The following DDAH1 variants were observed in gnomAD, a reference collection of about 807,000 sequenced individuals.
The protein encoded by DDAH1 is N(G),N(G)-dimethylarginine dimethylaminohydrolase 1.
Under a neutral mutation model 28.8 loss-of-function variants are expected in DDAH1, and 19 were observed. The ratio of observed to expected loss-of-function variants is 0.66; its 90% CI spans 0.46 to 0.97. DDAH1 has a LOEUF of 0.97. Among genes scored for constraint, DDAH1 ranks in the 50% least tolerant of loss-of-function variants. DDAH1 has a pLI of 0.00. For synonymous variants in DDAH1, 153 were observed against 154.4 expected (o/e 0.99, Z 0.07); for missense variants, 326 against 375.9 (o/e 0.87, Z 1.10).
chr1:85,438,256 G>A (rs1421671036), intron 1 of DDAH1, among the ~76,000 whole-genome samples: 1 of 152,054 alleles, frequency 6.6e-6, no homozygotes, highest in Non-Finnish European at 1.5e-5. Flanking sequence ...GAACTCATTT[G>A]TACACCAAAC....
chr1:85,486,064 A>C (rs981852485), intron 2 of DDAH1, among the ~76,000 whole-genome samples: 2 of 152,200 alleles, frequency 1.3e-5, no homozygotes, highest in African/African-American at 4.8e-5. Flanking sequence ...AAAGTGGTTG[A>C]GTTTGCCCTG....
intron 1 of DDAH1, among the ~76,000 whole-genome samples, chr1:85,563,936 G>A (rs1017576082): frequency 3.3e-5 from 5 of 152,208 alleles, no homozygotes; most frequent in African/African-American, 1.2e-4. Flanking sequence ...CACTTTGGGA[G>A]GCCAAGTTGG....
intron 1 of DDAH1, among the ~76,000 whole-genome samples, chr1:85,528,653 C>T (rs1379616541): frequency 1.3e-5 from 2 of 152,066 alleles, no homozygotes; most frequent in Non-Finnish European, 2.9e-5. Flanking sequence ...AAGCTACTTC[C>T]TTCCTTTAAG....
chr1:85,432,976 A>C (rs986600397), intron 1 of DDAH1, among the ~76,000 whole-genome samples: 1 of 152,170 alleles, frequency 6.6e-6, no homozygotes, highest in African/African-American at 2.4e-5. Flanking sequence ...TAGTTCAGAG[A>C]AGATAACTAC....
intron 1 of DDAH1, among the ~76,000 whole-genome samples, chr1:85,460,568 T>A (rs1184398325): frequency 1.3e-5 from 2 of 152,156 alleles, no homozygotes; most frequent in East Asian, 3.9e-4. Flanking sequence ...GGAGCAATCC[T>A]AGTCAACAGG....
At chr1:85,547,978 G>A (rs1250188856) in intron 1 of DDAH1, among the ~76,000 whole-genome samples, 8 of 152,296 alleles carry the variant, frequency 5.3e-5, no homozygotes, top group East Asian at 3.9e-4. Context: ...CAGGCCATTC[G>A]TTCTTAACCT....
At position 85,432,946 on chromosome 1, in the gene DDAH1, T is replaced by C. The variant is rs545313792; in HGVS notation, c.303+31797A>G. ...CCCTAGACCTTATAATTCTCCATTT[T>C]AGTTTTGGCTTAAATATATTAGTTC... On this transcript the variant is annotated intron_variant, in intron 1 of 5. Coordinates refer to ENST00000284031, the MANE Select transcript of DDAH1 (RefSeq NM_012137.4). 1.1e-4 allele frequency among the ~76,000 whole-genome samples: 17 copies of C among 152,332 alleles called. No homozygotes were observed. In the East Asian group the frequency reaches 3.3e-3, roughly 29 times the overall value.
In DDAH1 at chr1:85,372,548, T is replaced by C. The variant is rs186562230; in HGVS notation, c.304-13701A>G. Among the ~76,000 whole-genome samples, 20 of 152,262 alleles carry C rather than the reference T, an allele frequency of 1.3e-4. No individual in the cohort carries two copies. The East Asian group carries it at 3.3e-3, about 25-fold the overall frequency. On this transcript the variant is annotated intron_variant, in intron 1 of 5. Coordinates refer to ENST00000284031, the MANE Select transcript of DDAH1 (RefSeq NM_012137.4). Reference sequence around the variant, plus strand: ...CTTTCCTAAATTACTTTAAAAAATATGGTAAGCCATATTTTTCTTGCCATT... The same window carrying C: ...CTTTCCTAAATTACTTTAAAAAATACGGTAAGCCATATTTTTCTTGCCATT...
At chr1:85,479,996 T>C (rs1425416472) in intron 2 of DDAH1, among the ~76,000 whole-genome samples, 1 of 152,208 alleles carries the variant, frequency 6.6e-6, no homozygotes, top group Non-Finnish European at 1.5e-5. Flanking sequence ...AAAGAGCACA[T>C]GTCTGCTCTC....
intron 1 of DDAH1, among the ~76,000 whole-genome samples, chr1:85,551,735 G>C (rs1361627792): frequency 6.6e-6 from 1 of 152,232 alleles, no homozygotes; most frequent in Non-Finnish European, 1.5e-5. Context: ...TGGGAGATCA[G>C]AAGGCAGTAG....
intron 1 of DDAH1, among the ~76,000 whole-genome samples, chr1:85,549,929 G>T (rs1405455090): frequency 5.3e-5 from 8 of 151,984 alleles, no homozygotes; most frequent in Admixed American, 5.2e-4. Flanking sequence ...CTGGAACCCA[G>T]AGCTCTTCCA....
chr1:85,406,197 C>T (rs57527592), intron 1 of DDAH1, among the ~76,000 whole-genome samples: 4,366 of 152,260 alleles, frequency 0.029, 214 homozygotes, highest in African/African-American at 0.098. Context: ...CCAAAAGCCA[C>T]GTTCTATCTC....
At chr1:85,349,761 T>G (rs1390848096) in intron 4 of DDAH1, among the ~76,000 whole-genome samples, 1 of 152,186 alleles carries the variant, frequency 6.6e-6, no homozygotes, top group Non-Finnish European at 1.5e-5. Flanking sequence ...CTCACGGGGT[T>G]GAAGTTACAG....
intron 1 of DDAH1, chr1:85,447,780 GA>G (rs1201601657): frequency 6.6e-6 from 1 of 152,192 alleles, no homozygotes; most frequent in Non-Finnish European, 1.5e-5. Context: ...TTTGATGTCT[GA>G]ATTTCCTCAT....
chr1:85,323,609 G>A (rs1025520007), intron 5 of DDAH1, among the ~76,000 whole-genome samples: 2 of 152,050 alleles, frequency 1.3e-5, no homozygotes, highest in African/African-American at 4.8e-5. Context: ...TTGCTACCTA[G>A]CACGGGCAGT....
chr1:85,573,973 C>T (rs183448118), intron 1 of DDAH1, among the ~76,000 whole-genome samples: 1 of 152,362 alleles, frequency 6.6e-6, no homozygotes, highest in East Asian at 1.9e-4. Context: ...ATGGCACCCA[C>T]AGACATTGTC....
chr1:85,324,955 GTAGGATACAAGCTTGGAACTGACACTT>G, intron 4 of DDAH1, 72 bp from the exon 5 acceptor site: 5 of 1,566,694 alleles, frequency 3.2e-6, no homozygotes, highest in Non-Finnish European at 4.3e-6. Flanking sequence ...AGGCAGTGTG[GTAGGATACAAGCTTGGAACTGACACTT>G]TAGGCTGTTC....
intron 2 of DDAH1, among the ~76,000 whole-genome samples, chr1:85,358,494 C>T (rs1162016843): frequency 2.0e-5 from 3 of 151,966 alleles, no homozygotes; most frequent in Non-Finnish European, 2.9e-5. Context: ...TACTGAAATA[C>T]AAAAATTAGC....
exon 1 of DDAH1, chr1:85,578,045 C>T (rs996284100): frequency 2.0e-6 from 2 of 985,042 alleles, no homozygotes; most frequent in Non-Finnish European, 2.4e-6. Flanking sequence ...CGGCTCCCAG[C>T]GGAGGCGGCG....
Sources: gnomAD v4.1 joint callset for allele counts (sites outside exome capture counted in the v4.1 genomes callset) on GRCh38, gnomAD v4.1.1 for gene constraint, MANE v1.5 for transcripts, NCBI Gene and HGNC (gene_info 2026-07-23, HGNC 2026-07-21) for gene names.